SUPT3H: variants seen among roughly 807,000 people sequenced by gnomAD.
The protein encoded by SUPT3H is transcription initiation protein SPT3 homolog.
A neutral mutation model predicts 44.3 loss-of-function variants in SUPT3H; 44 were observed. The ratio of observed to expected loss-of-function variants is 0.99; its 90% CI spans 0.78 to 1.28. The LOEUF (loss-of-function observed/expected upper bound fraction) is 1.28, where lower values mean the gene tolerates loss of function less well. Ranked by LOEUF, SUPT3H falls within the 50% of genes most tolerant of loss-of-function variation. SUPT3H has a pLI of 0.00. For synonymous variants in SUPT3H, 124 were observed against 125.6 expected (o/e 0.99, Z 0.09); for missense variants, 380 against 387.1 (o/e 0.98, Z 0.15).
At chr6:44,961,308 A>G (rs1775986702) in intron 7 of SUPT3H, among the ~76,000 whole-genome samples, 1 of 152,196 alleles carries the variant, frequency 6.6e-6, no homozygotes, top group Non-Finnish European at 1.5e-5. Flanking sequence ...GAGACCAGTG[A>G]TATGTTCCTT....
intron 2 of SUPT3H, among the ~76,000 whole-genome samples, chr6:45,246,975 C>G (rs1771475473): frequency 6.6e-6 from 1 of 151,940 alleles, no homozygotes; most frequent in Admixed American, 6.6e-5. Context: ...ATAATTGAGA[C>G]AGAAATCAAT....
At chr6:45,158,296 ATATTT>A (rs1219352615) in intron 2 of SUPT3H, among the ~76,000 whole-genome samples, 4 of 72,028 alleles carry the variant, frequency 5.6e-5, no homozygotes, top group Non-Finnish European at 8.8e-5. Context: ...ATATATATAT[ATATTT>A]TTTTTTTTTT....
intron 2 of SUPT3H, chr6:45,321,828 G>A (rs2150037809): frequency 6.2e-7 from 1 of 1,606,056 alleles, no homozygotes; most frequent in South Asian, 1.1e-5. Flanking sequence ...GAAGGATATT[G>A]TGATAACAAT....
intron 2 of SUPT3H, among the ~76,000 whole-genome samples, chr6:45,142,535 G>A (rs1017117373): frequency 2.0e-4 from 30 of 151,820 alleles, no homozygotes; most frequent in Admixed American, 1.3e-4. Context: ...TCAGGAGTTT[G>A]AGACCAACCT....
intron 3 of SUPT3H, among the ~76,000 whole-genome samples, chr6:45,091,003 A>C (rs548717459): frequency 1.3e-5 from 2 of 152,010 alleles, no homozygotes; most frequent in Admixed American, 6.6e-5. Flanking sequence ...AGCAAGCAAT[A>C]ATATGGTTGA....
intron 2 of SUPT3H, among the ~76,000 whole-genome samples, chr6:45,190,420 C>T (rs1385673852): frequency 1.3e-5 from 2 of 151,834 alleles, no homozygotes; most frequent in East Asian, 3.9e-4. Flanking sequence ...AACCAAAAAC[C>T]TAACATTTAA....
intron 7 of SUPT3H, among the ~76,000 whole-genome samples, chr6:44,958,055 T>A (rs1410970389): frequency 6.6e-6 from 1 of 152,144 alleles, no homozygotes; most frequent in Non-Finnish European, 1.5e-5. Context: ...AATAAACAAG[T>A]TCCTTCTCCT....
At chr6:45,137,380 C>T (rs1211921368) in intron 2 of SUPT3H, among the ~76,000 whole-genome samples, 1 of 151,886 alleles carries the variant, frequency 6.6e-6, no homozygotes. Context: ...TCTCTAAAGA[C>T]ACTTTTTCAC....
At chr6:45,083,727 G>A (rs1347576148) in intron 3 of SUPT3H, among the ~76,000 whole-genome samples, 5 of 149,724 alleles carry the variant, frequency 3.3e-5, no homozygotes, top group South Asian at 2.1e-4. Flanking sequence ...AAACACCATC[G>A]GTCTAGTATA....
chr6:44,872,626 A>G (rs1011251086), intron 10 of SUPT3H, among the ~76,000 whole-genome samples: 3 of 146,544 alleles, frequency 2.0e-5, no homozygotes, highest in Non-Finnish European at 4.5e-5. Flanking sequence ...TCATAATGAC[A>G]GGATCAAATT....
chr6:45,052,133 T>C (rs1403702313), intron 3 of SUPT3H, among the ~76,000 whole-genome samples: 1 of 152,164 alleles, frequency 6.6e-6, no homozygotes, highest in Non-Finnish European at 1.5e-5. Flanking sequence ...TAGAATGATA[T>C]ATTTAGTTAC....
intron 9 of SUPT3H, among the ~76,000 whole-genome samples, chr6:44,944,762 CAAA>C (rs57506313): frequency 1.4e-3 from 43 of 29,884 alleles, no homozygotes; most frequent in Middle Eastern, 0.042. Context: ...ACCCTCTCTC[CAAA>C]AAAAAAAAAA....
intron 2 of SUPT3H, among the ~76,000 whole-genome samples, chr6:45,313,520 C>T (rs939906405): frequency 4.6e-5 from 7 of 151,962 alleles, no homozygotes; most frequent in Non-Finnish European, 8.8e-5. Context: ...CACCTTTACA[C>T]ACATAAACTA....
chr6:45,345,959 G>A (rs544935793), intron 2 of SUPT3H, among the ~76,000 whole-genome samples: 7 of 151,978 alleles, frequency 4.6e-5, no homozygotes, highest in East Asian at 1.9e-4. Flanking sequence ...GCTGTCTCCC[G>A]TACTTGCAAT....
At chr6:45,351,455 T>C (rs922812273) in intron 2 of SUPT3H, among the ~76,000 whole-genome samples, 13 of 152,172 alleles carry the variant, frequency 8.5e-5, no homozygotes, top group Admixed American at 2.0e-4. Flanking sequence ...CACTGTAACA[T>C]AGTAAAATGA....
intron 3 of SUPT3H, among the ~76,000 whole-genome samples, chr6:45,068,557 A>C (rs1583368256): frequency 6.6e-6 from 1 of 152,194 alleles, no homozygotes; most frequent in South Asian, 2.1e-4. Flanking sequence ...TACTAATAGC[A>C]AGTTGATTGA....
At chr6:45,174,066 C>G (rs910374726) in intron 2 of SUPT3H, among the ~76,000 whole-genome samples, 1 of 152,354 alleles carries the variant, frequency 6.6e-6, no homozygotes. Context: ...ATAGAATCCA[C>G]CTGACTCTAA....
chr6:45,233,244 G>A (rs891416861), intron 2 of SUPT3H, among the ~76,000 whole-genome samples: 1 of 152,212 alleles, frequency 6.6e-6, no homozygotes, highest in Non-Finnish European at 1.5e-5. Context: ...CCAGCGCTGT[G>A]CTGCTACAGC....
At chr6:45,245,170 A>AT (rs1771121133) in intron 2 of SUPT3H, among the ~76,000 whole-genome samples, 1 of 152,142 alleles carries the variant, frequency 6.6e-6, no homozygotes, top group South Asian at 2.1e-4. Context: ...TTTTTCAAGA[A>AT]TATCTATTTT....
Sources: gnomAD v4.1 joint callset for allele counts (sites outside exome capture counted in the v4.1 genomes callset) on GRCh38, gnomAD v4.1.1 for gene constraint, MANE v1.5 for transcripts, NCBI Gene and HGNC (gene_info 2026-07-23, HGNC 2026-07-21) for gene names.